Variants in OSCAR observed in about 807,000 individuals in gnomAD.
The protein encoded by OSCAR is osteoclast-associated immunoglobulin-like receptor.
A neutral mutation model predicts 27.3 loss-of-function variants in OSCAR; 25 were observed. The observed-to-expected ratio is 0.92, with a 90% confidence interval of 0.67 to 1.28. OSCAR has a LOEUF of 1.28. Among genes scored for constraint, OSCAR ranks in the 50% most tolerant of loss-of-function variants. The pLI, the probability that OSCAR is intolerant of heterozygous loss-of-function variation, is 0.00. For synonymous variants in OSCAR, 158 were observed against 165.7 expected (o/e 0.95, Z 0.36); for missense variants, 354 against 355.1 (o/e 1.00, Z 0.03).
At chr19:54,097,825 T>C (rs2072834623) in intron 2 of OSCAR, among the ~76,000 whole-genome samples, 1 of 151,308 alleles carries the variant, frequency 6.6e-6, no homozygotes, top group African/African-American at 2.4e-5. Context: ...ACTCTTGAAC[T>C]CTTGGGCTCA....
Position 54,095,234 on chromosome 19 carries a change from C to T in OSCAR, c.779G>A (p.Gly260Asp). 6.2e-7 allele frequency: 1 copy of T among 1,611,970 alleles called. No individual in the cohort carries two copies. The highest frequency in any genetic ancestry group is 1.7e-4 in the Middle Eastern group (1 of 5,870). The change falls in exon 5 of 5, where the codon GGT becomes GAT. Residue 260 changes from glycine (G) to aspartate (D), a missense_variant. Gly to Asp is a moderately conservative substitution (Grantham distance 94, BLOSUM62 -1). Transcript: ENST00000358375. ...TGCTCCTGGGGCTCAGGGGCGGATA[C>T]CAGCAGGAGCGCGGTTCTGACTGCG... ...DWRSQNRAPAGIRP is the reference protein window; with the variant it reads ...DWRSQNRAPADIRP
intron 2 of OSCAR, 156 bp downstream of exon 2, chr19:54,099,592 A>G: frequency 6.2e-7 from 1 of 1,605,524 alleles, no homozygotes; most frequent in Non-Finnish European, 8.5e-7. Context: ...GTACTCACCT[A>G]TAATGGCCAC....
intron 3 of OSCAR, 98 bp from the exon 4 acceptor site, chr19:54,096,251 C>T (rs2072688555): frequency 9.3e-7 from 1 of 1,074,868 alleles, no homozygotes; most frequent in South Asian, 1.7e-5. Context: ...TTTCTCTGTG[C>T]CTCTCTCTCT....
At position 54,094,843 on chromosome 19, in the gene OSCAR, T is replaced by C. The variant is rs1227175897; in HGVS notation, c.*378A>G. The C allele has an allele frequency of 5.1e-6, 1 of 196,678 alleles. No individual in the cohort carries two copies. The highest frequency in any genetic ancestry group is 1.0e-5 in the Non-Finnish European group (1 of 97,054). The allele number at this position is 196,678 out of a possible 1,614,324, so 12.2% of individuals were successfully genotyped here. A position where few individuals can be genotyped will look rare whatever the true frequency, so the allele number is the denominator to read the frequency against. On this transcript the variant is annotated 3_prime_UTR_variant, in exon 5 of 5. Transcript: ENST00000358375. ...ATTGGTCCATCTTACAGAGTGCTGA[T>C]TGGTCCATTTTACAATCCTCTTGTA... is the stretch of plus-strand genomic sequence containing the variant.
In OSCAR at chr19:54,095,544, G is replaced by T. The variant is rs1272930304; in HGVS notation, c.656-187C>A. 6.6e-6 allele frequency: 9 copies of T among 1,358,900 alleles called. No individual in the cohort carries two copies. The East Asian group carries it at 7.6e-5, about 11-fold the overall frequency. 84.2% of individuals were successfully genotyped at this position (1,358,900 alleles called of 1,614,324 possible). A position where few individuals can be genotyped will look rare whatever the true frequency, so the allele number is the denominator to read the frequency against. ...GAAGGGGCTGGGGCCTGGACTGCTGGATCAGGAAGGAGGGGCTGGGGGCCT... is the reference window on the plus strand; with the variant it reads ...GAAGGGGCTGGGGCCTGGACTGCTGTATCAGGAAGGAGGGGCTGGGGGCCT... On this transcript the variant is annotated intron_variant, in intron 4 of 4. Coordinates refer to ENST00000358375, the MANE Select transcript of OSCAR (RefSeq NM_133169.6).
rs368804920 is a variant in OSCAR at position 54,097,183 on chromosome 19, C to T, written c.71-19G>A. On this transcript the variant is annotated intron_variant, in intron 2 of 4. Transcript: ENST00000358375. ...GGGGGGACTGAATAAACGGGGCTGC[C>T]TGGGTCCTCGGGCCTCCTGGGAGCC... The T allele has an allele frequency of 6.3e-7, 1 of 1,593,378 alleles. No individual in the cohort carries two copies. The highest frequency in any genetic ancestry group is 1.3e-5 in the African/African-American group (1 of 74,268).
In OSCAR at chr19:54,096,908, C is replaced by T. The variant is rs761473915; in HGVS notation, c.327G>A (p.Pro109=). 7.4e-6 allele frequency: 12 copies of T among 1,613,992 alleles called. No homozygotes were observed. Among genetic ancestry groups the T allele is most frequent in the Non-Finnish European group, 9.3e-6 (11 of 1,180,008 alleles). The change falls in exon 3 of 5, where the codon CCG becomes CCA. Residue 109 remains proline (P), a synonymous_variant. Coordinates refer to ENST00000358375, the MANE Select transcript of OSCAR (RefSeq NM_133169.6). ...RCCYRRPDWG[P]GVWSQPSDVL... is the part of the protein sequence containing the mutation. Reference sequence around the variant, plus strand: ...CATCGCTGGGCTGGGACCAGACACCCGGCCCCCAGTCTGGCCTTCGGTAGC... The same window carrying T: ...CATCGCTGGGCTGGGACCAGACACCTGGCCCCCAGTCTGGCCTTCGGTAGC...
At chr19:54,100,713 C>A in intron 1 of OSCAR, 43 bp downstream of exon 1, 1 of 1,545,366 alleles carries the variant, frequency 6.5e-7, no homozygotes, top group Non-Finnish European at 8.8e-7. Flanking sequence ...TCTCTGCCCC[C>A]AACCCCAGCC....
intron 2 of OSCAR, among the ~76,000 whole-genome samples, chr19:54,098,092 A>G (rs1194635047): frequency 1.3e-5 from 2 of 152,168 alleles, no homozygotes; most frequent in Non-Finnish European, 2.9e-5. Context: ...AAACTATAGG[A>G]AAATATATTT....
At chr19:54,097,750 C>G (rs1199752566) in intron 2 of OSCAR, among the ~76,000 whole-genome samples, 1 of 106,424 alleles carries the variant, frequency 9.4e-6, no homozygotes, top group Non-Finnish European at 1.9e-5. Context: ...CATGCCACTA[C>G]ACCAGGCTAA....
chr19:54,096,257 T>C, intron 3 of OSCAR, 104 bp from the exon 4 acceptor site: 1 of 1,022,904 alleles, frequency 9.8e-7, no homozygotes, highest in Non-Finnish European at 1.4e-6. Context: ...TGTGCCTCTC[T>C]CTCTCTTTCT....
chr19:54,095,769 AAGG>A (rs1387791131), intron 4 of OSCAR, 100 bp downstream of exon 4: 10 of 1,524,608 alleles, frequency 6.6e-6, no homozygotes, highest in South Asian at 3.6e-5. Context: ...CCTGGGTCTG[AAGG>A]AGGAGAGGCT....
chr19:54,097,376 T>C (rs1478408126), intron 2 of OSCAR, among the ~76,000 whole-genome samples: 2 of 152,092 alleles, frequency 1.3e-5, no homozygotes, highest in Non-Finnish European at 2.9e-5. Flanking sequence ...ACTTCTGAGC[T>C]TTACTCCACA....
chr19:54,099,362 C>T (rs907685161), intron 2 of OSCAR, among the ~76,000 whole-genome samples: 5 of 151,294 alleles, frequency 3.3e-5, no homozygotes, highest in African/African-American at 7.3e-5. Context: ...GGCCATTGCG[C>T]CCAGCCCAAG....
chr19:54,098,707 C>T (rs116938717), intron 2 of OSCAR, among the ~76,000 whole-genome samples: 247 of 150,932 alleles, frequency 1.6e-3, no homozygotes, highest in Middle Eastern at 6.8e-3. Context: ...AAATAAGGGT[C>T]GGGTGAGGGG....
chr19:54,100,111 CG>C (rs1174107450), intron 1 of OSCAR, among the ~76,000 whole-genome samples: 14 of 152,192 alleles, frequency 9.2e-5, no homozygotes, highest in Non-Finnish European at 1.9e-4. Context: ...TGAGCCGCTG[CG>C]CCCAACAGCG....
Position 54,095,496 on chromosome 19 carries a change from GC to G in OSCAR, c.656-140del, listed in dbSNP as rs1409296017. The G allele has an allele frequency of 8.4e-6, 12 of 1,434,764 alleles. No homozygotes were observed. The East Asian group carries it at 2.5e-4, about 30-fold the overall frequency. 88.9% of individuals were successfully genotyped at this position (1,434,764 alleles called of 1,614,324 possible). A position where few individuals can be genotyped will look rare whatever the true frequency, so the allele number is the denominator to read the frequency against. On this transcript the variant is annotated intron_variant, in intron 4 of 4. Coordinates refer to ENST00000358375, the MANE Select transcript of OSCAR (RefSeq NM_133169.6). ...CAAAGTTGAGGGGGAGTCGATGGAG[GC>G]TTCAACTCCTGGGTCCAGGAAGAAG...
chr19:54,100,715 A>C, intron 1 of OSCAR, 41 bp downstream of exon 1: 1 of 1,546,644 alleles, frequency 6.5e-7, no homozygotes, highest in Non-Finnish European at 8.7e-7. Context: ...TCTGCCCCCA[A>C]CCCCAGCCAG....
intron 2 of OSCAR, 194 bp downstream of exon 2, chr19:54,099,554 C>T (rs769298957): frequency 3.2e-6 from 5 of 1,546,582 alleles, no homozygotes; most frequent in Non-Finnish European, 4.5e-6. Flanking sequence ...CTAGCTTAGG[C>T]CTCTGCCTCA....
Sources: gnomAD v4.1 joint callset for allele counts (sites outside exome capture counted in the v4.1 genomes callset) on GRCh38, gnomAD v4.1.1 for gene constraint, MANE v1.5 for transcripts, NCBI Gene and HGNC (gene_info 2026-07-23, HGNC 2026-07-21) for gene names.